The following LRRC20 variants were observed in gnomAD, a reference collection of about 807,000 sequenced individuals.
LRRC20 encodes leucine rich repeat containing 20, also known as leucine-rich repeat-containing protein 20.
Under a neutral mutation model 14.4 loss-of-function variants are expected in LRRC20, and 11 were observed. The ratio of observed to expected loss-of-function variants is 0.77; its 90% CI spans 0.48 to 1.27. The LOEUF (loss-of-function observed/expected upper bound fraction) is 1.27. LRRC20 is among the 50% of genes most tolerant of loss of function. LRRC20 has a pLI of 0.00. For synonymous variants in LRRC20, 121 were observed against 107.3 expected (o/e 1.13, Z -0.79); for missense variants, 219 against 251.2 (o/e 0.87, Z 0.87).
chr10:70,330,983 G>A (rs1452236190), intron 3 of LRRC20, among the ~76,000 whole-genome samples: 1 of 152,178 alleles, frequency 6.6e-6, no homozygotes, highest in Non-Finnish European at 1.5e-5. Context: ...CTGAGGTCTC[G>A]CCCTACATCT....
chr10:70,349,547 C>T (rs1300917038), intron 2 of LRRC20, among the ~76,000 whole-genome samples: 1 of 152,162 alleles, frequency 6.6e-6, no homozygotes, highest in Non-Finnish European at 1.5e-5. Flanking sequence ...CACTGCACTC[C>T]AGCCTGGGCA....
intron 4 of LRRC20, among the ~76,000 whole-genome samples, chr10:70,304,168 G>A (rs2136856548): frequency 6.6e-6 from 1 of 152,036 alleles, no homozygotes; most frequent in Admixed American, 6.6e-5. Context: ...GCAAGCTGAG[G>A]CTCTGGCTGC....
chr10:70,348,188 G>A (rs1052326726), intron 2 of LRRC20, among the ~76,000 whole-genome samples: 4 of 152,180 alleles, frequency 2.6e-5, no homozygotes, highest in Non-Finnish European at 4.4e-5. Context: ...CAACGTCAAA[G>A]GCAATCCAGG....
chr10:70,301,190 C>T lies in LRRC20; in HGVS notation c.*164G>A, dbSNP rs1841163810. On this transcript the variant is annotated 3_prime_UTR_variant, in exon 5 of 5. Transcript: ENST00000446961. The stretch of plus-strand genomic sequence containing the variant: ...CCCTTGGGCATTCCAGAGCCCACTA[C>T]TGCTGTAAGCTATCTATCCAGACCA... 8.5e-6 allele frequency: 12 copies of T among 1,411,090 alleles called. No individual in the cohort carries two copies. The highest frequency in any genetic ancestry group is 1.1e-5 in the Non-Finnish European group (12 of 1,085,932). The allele number at this position is 1,411,090 out of a possible 1,614,324, so 87.4% of individuals were successfully genotyped here.
chr10:70,325,421 C>T (rs763392425), intron 3 of LRRC20, among the ~76,000 whole-genome samples: 1 of 152,172 alleles, frequency 6.6e-6, no homozygotes, highest in Non-Finnish European at 1.5e-5. Context: ...CCCTCCACCT[C>T]GGCAGGGAGG....
chr10:70,326,060 G>C (rs1015685408), intron 3 of LRRC20, among the ~76,000 whole-genome samples: 8 of 152,112 alleles, frequency 5.3e-5, no homozygotes, highest in African/African-American at 1.7e-4. Context: ...CATGCTGAGA[G>C]AGGCTGTAAA....
At chr10:70,335,377 C>T (rs1842693170) in intron 3 of LRRC20, among the ~76,000 whole-genome samples, 2 of 152,200 alleles carry the variant, frequency 1.3e-5, no homozygotes, top group Admixed American at 1.3e-4. Flanking sequence ...GAGCAACCCA[C>T]CTCCCAGTCC....
At chr10:70,368,143 C>T (rs1844102904) in intron 2 of LRRC20, among the ~76,000 whole-genome samples, 1 of 136,350 alleles carries the variant, frequency 7.3e-6, no homozygotes, top group African/African-American at 2.7e-5. Context: ...ATCACCATGC[C>T]TGGCTAATTT....
intron 3 of LRRC20, among the ~76,000 whole-genome samples, chr10:70,328,322 A>T (rs541902957): frequency 6.6e-6 from 1 of 150,966 alleles, no homozygotes; most frequent in African/African-American, 2.4e-5. Flanking sequence ...TTTGAGATGG[A>T]GTTTTGCTCT....
Position 70,301,474 on chromosome 10 carries a change from G to C in LRRC20, c.435C>G (p.Ala145=). 1 of 1,614,112 alleles carries C rather than the reference G, an allele frequency of 6.2e-7. No individual in the cohort carries two copies. Among genetic ancestry groups the C allele is most frequent in the South Asian group, 1.1e-5 (1 of 91,076 alleles). Residue 145 remains alanine (A), a synonymous_variant, in exon 5 of 5, where the codon GCC becomes GCG. Coordinates refer to ENST00000446961, the MANE Select transcript of LRRC20 (RefSeq NM_001278212.2). ...VPVEKLAAMP[A]LRSINLRFNP... ...TGAAGCGGAGGTTGATGCTGCGCAAGGCTGGCATGGCGGCCAGCTTCTCCA... is the reference window on the plus strand; with the variant it reads ...TGAAGCGGAGGTTGATGCTGCGCAACGCTGGCATGGCGGCCAGCTTCTCCA...
intron 4 of LRRC20, among the ~76,000 whole-genome samples, chr10:70,304,907 A>G (rs1051066379): frequency 2.0e-5 from 3 of 152,206 alleles, no homozygotes; most frequent in Admixed American, 2.0e-4. Context: ...AAGAAATGCC[A>G]GCCACGGTGG....
intron 2 of LRRC20, among the ~76,000 whole-genome samples, chr10:70,368,220 C>G (rs986990819): frequency 7.1e-6 from 1 of 141,380 alleles, no homozygotes; most frequent in East Asian, 2.1e-4. Flanking sequence ...TGCAGTGGCA[C>G]AATCTCAGCT....
At chr10:70,342,203 G>A (rs183714884) in intron 2 of LRRC20, among the ~76,000 whole-genome samples, 72 of 152,082 alleles carry the variant, frequency 4.7e-4, no homozygotes, top group Admixed American at 3.9e-3. Flanking sequence ...CCAACTACTC[G>A]GGAGGCTGAG....
At chr10:70,303,669 C>A (rs1025616966) in intron 4 of LRRC20, among the ~76,000 whole-genome samples, 14 of 152,158 alleles carry the variant, frequency 9.2e-5, no homozygotes, top group African/African-American at 2.9e-4. Flanking sequence ...ATAATTAATT[C>A]CAGGTCCAAT....
At chr10:70,308,801 G>T (rs991953394) in intron 4 of LRRC20, among the ~76,000 whole-genome samples, 3 of 152,164 alleles carry the variant, frequency 2.0e-5, no homozygotes, top group Admixed American at 2.0e-4. Flanking sequence ...CCTCGGAGAA[G>T]AGGAAAAGAA....
intron 4 of LRRC20, among the ~76,000 whole-genome samples, chr10:70,303,038 T>C (rs573017241): frequency 3.3e-5 from 5 of 150,048 alleles, no homozygotes; most frequent in Admixed American, 6.7e-5. Flanking sequence ...AAAAAAAAGG[T>C]TAAAATGGCA....
intron 2 of LRRC20, among the ~76,000 whole-genome samples, chr10:70,373,908 G>A (rs1173729424): frequency 6.6e-6 from 1 of 152,200 alleles, no homozygotes; most frequent in Non-Finnish European, 1.5e-5. Context: ...GTGCAGGGGA[G>A]CTGGTCGCAG....
At chr10:70,337,602 T>C (rs1048345571) in intron 3 of LRRC20, among the ~76,000 whole-genome samples, 45 of 152,302 alleles carry the variant, frequency 3.0e-4, no homozygotes, top group African/African-American at 1.1e-3. Flanking sequence ...GGGGAGGGCC[T>C]ACTTACTCAT....
chr10:70,324,087 A>G (rs747235011), intron 3 of LRRC20, 57 bp from the exon 4 acceptor site: 16 of 1,538,002 alleles, frequency 1.0e-5, no homozygotes, highest in Non-Finnish European at 1.4e-5. Context: ...CCCCGAGACC[A>G]CAGTGACTGC....
Sources: allele counts gnomAD v4.1 joint callset (sites outside exome capture counted in the v4.1 genomes callset), GRCh38; gene constraint gnomAD v4.1.1; transcripts MANE v1.5; gene names NCBI Gene and HGNC (gene_info 2026-07-23, HGNC 2026-07-21).